Variants in CAMTA1 observed in about 807,000 individuals in gnomAD.
The protein encoded by CAMTA1 is calmodulin-binding transcription activator 1.
CAMTA1 carries 27 observed loss-of-function variants against 170.9 expected under a neutral mutation model. The ratio of observed to expected loss-of-function variants is 0.16; its 90% CI spans 0.12 to 0.22. The LOEUF is 0.22. Among genes scored for constraint, CAMTA1 ranks in the 10% least tolerant of loss-of-function variants. The pLI is 1.00. For synonymous variants in CAMTA1, 833 were observed against 891.5 expected, an observed-to-expected ratio of 0.93 and a Z score of 1.17; for missense variants, 1,619 against 2,217.2, an observed-to-expected ratio of 0.73 and a Z score of 5.42.
At chr1:7,527,445 T>A (rs2094443533) in intron 6 of CAMTA1, among the ~76,000 whole-genome samples, 1 of 152,204 alleles carries the variant, frequency 6.6e-6, no homozygotes, top group African/African-American at 2.4e-5. Context: ...ACAGAGCAGC[T>A]TCTCCAGGCA....
intron 5 of CAMTA1, among the ~76,000 whole-genome samples, chr1:7,281,551 G>T (rs901403761): frequency 2.0e-5 from 3 of 152,130 alleles, no homozygotes; most frequent in Non-Finnish European, 4.4e-5. Flanking sequence ...TTAAATGAAA[G>T]AATTAATCAT....
rs1251367952 is a variant in CAMTA1 at position 7,674,157 on chromosome 1, T to A, written c.2779+3120T>A. 6.6e-6 allele frequency among the ~76,000 whole-genome samples: 1 copy of A among 152,162 alleles called. No individual in the cohort carries two copies. The highest frequency in any genetic ancestry group is 1.5e-5 in the Non-Finnish European group (1 of 68,020). On this transcript the variant is annotated intron_variant, in intron 10 of 22. Coordinates refer to ENST00000303635, the MANE Select transcript of CAMTA1 (RefSeq NM_015215.4). This position sits in a 1 kb window ranked among gnomAD's most constrained non-coding sequence, Gnocchi z 4.1. ...GGGCACTGGCAACACAGTTGGCCAA[T>A]GCCCACCCGTCTCCCAACACACCTG...
At position 7,064,843 on chromosome 1, in the gene CAMTA1, G is replaced by T. The variant is rs1708760550; in HGVS notation, c.235-26461G>T. Among the ~76,000 whole-genome samples the T allele has an allele frequency of 6.6e-6, 1 of 152,122 alleles. No individual in the cohort carries two copies. Among genetic ancestry groups the T allele is most frequent in the Non-Finnish European group, 1.5e-5 (1 of 68,024 alleles). ...TGAGGTCCTGTTGGTCTAGGAGCTG[G>T]TTGGGTGACTCCTGCTGCCATCTAG... is the stretch of plus-strand genomic sequence containing the variant. On this transcript the variant is annotated intron_variant, in intron 3 of 22. Coordinates refer to ENST00000303635, the MANE Select transcript of CAMTA1 (RefSeq NM_015215.4). This position sits in a 1 kb window ranked among gnomAD's most constrained non-coding sequence, Gnocchi z 5.4.
In CAMTA1 at chr1:7,158,450, T is replaced by C. The variant is rs567945471; in HGVS notation, c.302+67079T>C. 2.9e-4 allele frequency among the ~76,000 whole-genome samples: 44 copies of C among 152,280 alleles called. No individual in the cohort carries two copies. The South Asian group carries it at 8.9e-3, about 31-fold the overall frequency. ...ATGTTGGATTGCACAGTGAGGCGCA[T>C]TTGTCAGATGTGTCCCATGATGCAT... On this transcript the variant is annotated intron_variant, in intron 4 of 22. Coordinates refer to ENST00000303635, the MANE Select transcript of CAMTA1 (RefSeq NM_015215.4).
At chr1:7,265,705 T>C (rs2149377209) in intron 5 of CAMTA1, among the ~76,000 whole-genome samples, 1 of 152,380 alleles carries the variant, frequency 6.6e-6, no homozygotes, top group South Asian at 2.1e-4. Context: ...TCATTTTTCC[T>C]GTTTCCATTT....
chr1:6,831,534 A>G (rs1020872919), intron 3 of CAMTA1, among the ~76,000 whole-genome samples: 3 of 152,238 alleles, frequency 2.0e-5, no homozygotes, highest in Non-Finnish European at 2.9e-5. Context: ...TAACTACTGC[A>G]TTCCCTAGTC....
intron 3 of CAMTA1, among the ~76,000 whole-genome samples, chr1:6,954,930 G>A (rs533355357): frequency 1.3e-5 from 2 of 152,218 alleles, no homozygotes; most frequent in African/African-American, 4.8e-5. Flanking sequence ...TTCTCAGCAT[G>A]TGCCTGTTTT....
intron 6 of CAMTA1, among the ~76,000 whole-genome samples, chr1:7,538,659 A>G (rs755555296): frequency 6.6e-6 from 1 of 152,182 alleles, no homozygotes; most frequent in Non-Finnish European, 1.5e-5. Flanking sequence ...CTGTCTCTCA[A>G]CAAAAAAAAA....
chr1:6,872,686 T>C (rs1481395320), intron 3 of CAMTA1, among the ~76,000 whole-genome samples: 2 of 152,202 alleles, frequency 1.3e-5, no homozygotes, highest in African/African-American at 2.4e-5. Context: ...ATTCTTAATC[T>C]AAAGCAAAAC....
chr1:7,398,409 CTT>C (rs1252180189), intron 5 of CAMTA1, among the ~76,000 whole-genome samples: 1 of 151,198 alleles, frequency 6.6e-6, no homozygotes, highest in Non-Finnish European at 1.5e-5. Flanking sequence ...CTCCTGCACT[CTT>C]TTATTTTCCA....
At chr1:7,662,468 TG>T (rs1417880034) in intron 8 of CAMTA1, among the ~76,000 whole-genome samples, 4 of 152,036 alleles carry the variant, frequency 2.6e-5, no homozygotes, top group Non-Finnish European at 1.5e-5. Flanking sequence ...TGAGGAGTCT[TG>T]GTGGTGAGGC....
chr1:7,032,122 T>C (rs1702897273), intron 3 of CAMTA1, among the ~76,000 whole-genome samples: 1 of 152,098 alleles, frequency 6.6e-6, no homozygotes, highest in African/African-American at 2.4e-5. Flanking sequence ...CCCACCACCA[T>C]GTCTAGCTAA....
intron 6 of CAMTA1, among the ~76,000 whole-genome samples, chr1:7,508,523 A>AG (rs2094154169): frequency 6.6e-6 from 1 of 152,208 alleles, no homozygotes; most frequent in African/African-American, 2.4e-5. Context: ...GCGTGTTGAC[A>AG]GGTATGACCT....
intron 4 of CAMTA1, among the ~76,000 whole-genome samples, chr1:7,127,412 G>C (rs964029451): frequency 6.6e-6 from 1 of 152,072 alleles, no homozygotes; most frequent in Admixed American, 6.6e-5. Context: ...TTTCCAGGCT[G>C]TCTCTTCATC....
Position 7,627,066 on chromosome 1 carries a change from A to G in CAMTA1, c.511-13334A>G, listed in dbSNP as rs186203133. ...GGCCCAAGGGACTCCTACCTATCCA[A>G]TGTGGCAGGATGTGGATGGGGTGTC... On this transcript the variant is annotated intron_variant, in intron 6 of 22. Coordinates refer to ENST00000303635, the MANE Select transcript of CAMTA1 (RefSeq NM_015215.4). Among the ~76,000 whole-genome samples, 354 of 152,304 alleles carry G rather than the reference A, an allele frequency of 2.3e-3. 6 individuals are homozygous for G. The highest frequency in any genetic ancestry group is 0.02 in the Admixed American group (312 of 15,304).
At position 7,511,337 on chromosome 1, in the gene CAMTA1, G is replaced by A. The variant is rs1408081002; in HGVS notation, c.510+43436G>A. On this transcript the variant is annotated intron_variant, in intron 6 of 22. Coordinates refer to ENST00000303635, the MANE Select transcript of CAMTA1 (RefSeq NM_015215.4). Reference sequence around the variant, plus strand: ...TCCACTTTCTTTCCTGTAATGTGGGGATCATCACCCATATATTAAGTGTTA... The same window carrying A: ...TCCACTTTCTTTCCTGTAATGTGGGAATCATCACCCATATATTAAGTGTTA... Among the ~76,000 whole-genome samples, 2 of 145,254 alleles carry A rather than the reference G, an allele frequency of 1.4e-5. 1 individual carries two copies. The highest frequency in any genetic ancestry group is 3.1e-5 in the Non-Finnish European group (2 of 64,896).
rs986612872 is a variant in CAMTA1 at position 7,292,303 on chromosome 1, G to GA, written c.438+42686dup. Among the ~76,000 whole-genome samples the GA allele has an allele frequency of 1.8e-4, 27 of 151,256 alleles. No individual in the cohort carries two copies. In the East Asian group the frequency reaches 3.3e-3, roughly 19 times the overall value. ...CTTACGTCCTGGCAGTTTCAAAAGG[G>GA]AAAAAAAAAGTTCTTTGAAAGAACT... On this transcript the variant is annotated intron_variant, in intron 5 of 22. Coordinates refer to ENST00000303635, the MANE Select transcript of CAMTA1 (RefSeq NM_015215.4).
intron 4 of CAMTA1, among the ~76,000 whole-genome samples, chr1:7,103,928 AACT>A (rs1558103580): frequency 6.7e-6 from 1 of 149,378 alleles, no homozygotes; most frequent in East Asian, 2.0e-4. Flanking sequence ...ACATACACAC[AACT>A]ACACACATAC....
intron 3 of CAMTA1, among the ~76,000 whole-genome samples, chr1:6,855,568 G>A (rs551342236): frequency 5.9e-5 from 9 of 151,952 alleles, no homozygotes; most frequent in African/African-American, 1.4e-4. Flanking sequence ...TAAGCCATTC[G>A]TGAAGGTGCA....
Sources: allele counts gnomAD v4.1 joint callset (sites outside exome capture counted in the v4.1 genomes callset), GRCh38; gene constraint gnomAD v4.1.1; non-coding constraint Gnocchi (gnomAD v3.1); transcripts MANE v1.5; gene names NCBI Gene and HGNC (gene_info 2026-07-23, HGNC 2026-07-21).